The following SAMD12 variants were observed in gnomAD, a reference collection of about 807,000 sequenced individuals.
SAMD12 encodes the protein sterile alpha motif domain containing 12.
Under a neutral mutation model 15.0 loss-of-function variants are expected in SAMD12, and 9 were observed. The ratio of observed to expected loss-of-function variants is 0.60; its 90% CI spans 0.36 to 1.05. SAMD12 has a LOEUF of 1.05. SAMD12 is among the 50% of genes least tolerant of loss of function. The probability of loss-of-function intolerance (pLI) is 0.01; values close to 1 mark genes in which losing one functional copy is unlikely to be tolerated. For synonymous variants in SAMD12, 86 were observed against 90.1 expected, an observed-to-expected ratio of 0.96 and a Z score of 0.25; for missense variants, 230 against 234.2, an observed-to-expected ratio of 0.98 and a Z score of 0.12.
intron 2 of SAMD12, among the ~76,000 whole-genome samples, chr8:118,446,685 T>C (rs550570891): frequency 7.9e-5 from 12 of 152,286 alleles, no homozygotes; most frequent in Non-Finnish European, 1.6e-4. Flanking sequence ...GAAGTCAAAG[T>C]CAGATCTTCA....
At chr8:118,366,331 C>T (rs1818766214) in intron 4 of SAMD12, among the ~76,000 whole-genome samples, 1 of 152,170 alleles carries the variant, frequency 6.6e-6, no homozygotes, top group African/African-American at 2.4e-5. Context: ...TTCTGTCACA[C>T]CTCAGACATT....
chr8:118,284,941 CA>C (rs1278751968), intron 4 of SAMD12: 2,345 of 60,162 alleles, frequency 0.039, 15 homozygotes, highest in African/African-American at 0.074. Flanking sequence ...GACTCCGTCT[CA>C]AAAAAAAAAA....
At chr8:118,318,695 T>C (rs1280359866) in intron 4 of SAMD12, among the ~76,000 whole-genome samples, 2 of 152,070 alleles carry the variant, frequency 1.3e-5, no homozygotes, top group Non-Finnish European at 2.9e-5. Flanking sequence ...AAACCACTTG[T>C]ATTCCCAAAG....
chr8:118,566,664 C>T (rs1826860916), intron 2 of SAMD12, among the ~76,000 whole-genome samples: 1 of 152,086 alleles, frequency 6.6e-6, no homozygotes, highest in African/African-American at 2.4e-5. Flanking sequence ...CCCATAGAAG[C>T]TTAGAAAGAA....
intron 4 of SAMD12, among the ~76,000 whole-genome samples, chr8:118,359,193 T>TC (rs1382945075): frequency 3.3e-5 from 5 of 152,080 alleles, no homozygotes; most frequent in Admixed American, 2.6e-4. Flanking sequence ...TAAAATGAGG[T>TC]CATTAGGATA....
intron 2 of SAMD12, among the ~76,000 whole-genome samples, chr8:118,570,284 T>C (rs1234147809): frequency 6.6e-6 from 1 of 152,192 alleles, no homozygotes; most frequent in Admixed American, 6.5e-5. Flanking sequence ...AGGGGGCTTA[T>C]TGTACAGATT....
chr8:118,522,727 A>T (rs865970841), intron 2 of SAMD12, among the ~76,000 whole-genome samples: 4 of 152,178 alleles, frequency 2.6e-5, no homozygotes, highest in Non-Finnish European at 4.4e-5. Flanking sequence ...CAAACCCAAC[A>T]TGGCTCAATG....
chr8:118,173,831 T>C, the SAMD12 span, among the ~76,000 whole-genome samples: 1 of 152,090 alleles, frequency 6.6e-6, no homozygotes, highest in South Asian at 2.1e-4. Context: ...GGTTTCACCA[T>C]GTTGGCCAGG....
At chr8:118,621,474 A>C in intron 1 of SAMD12, 4 of 389,644 alleles carry the variant, frequency 1.0e-5, no homozygotes, top group African/African-American at 2.0e-5. Context: ...GGGGCAGGGA[A>C]AAAGGGCATC....
intron 3 of SAMD12, among the ~76,000 whole-genome samples, chr8:118,395,996 G>GT (rs751110841): frequency 2.0e-5 from 3 of 151,816 alleles, no homozygotes; most frequent in Admixed American, 6.6e-5. Context: ...AAAAAAGTGA[G>GT]TTTTTTTGTA....
intron 4 of SAMD12, among the ~76,000 whole-genome samples, chr8:118,224,671 A>C (rs1812150878): frequency 6.6e-6 from 1 of 152,244 alleles, no homozygotes; most frequent in Non-Finnish European, 1.5e-5. Context: ...ACAAAGCTTT[A>C]AATTTTATAT....
chr8:118,178,039 C>A, the SAMD12 span, among the ~76,000 whole-genome samples: 1 of 152,198 alleles, frequency 6.6e-6, no homozygotes, highest in Non-Finnish European at 1.5e-5. Flanking sequence ...GGTGGCCCAA[C>A]CTGTCAAACA....
intron 4 of SAMD12, among the ~76,000 whole-genome samples, chr8:118,211,839 G>C (rs929069384): frequency 4.6e-5 from 7 of 152,164 alleles, no homozygotes; most frequent in African/African-American, 1.4e-4. Context: ...GTTTGCTGGA[G>C]ACAGGAGGTG....
At chr8:118,172,713 A>C in the SAMD12 span, among the ~76,000 whole-genome samples, 1 of 152,198 alleles carries the variant, frequency 6.6e-6, no homozygotes, top group Non-Finnish European at 1.5e-5. Context: ...AAATATATCC[A>C]TCACCTCCAA....
chr8:118,340,329 CTT>C (rs1344499387), intron 4 of SAMD12, among the ~76,000 whole-genome samples: 7 of 114,926 alleles, frequency 6.1e-5, no homozygotes. Context: ...CTTATGCTCT[CTT>C]TACCTTGCCA....
At chr8:118,462,474 G>A (rs1023181623) in intron 2 of SAMD12, among the ~76,000 whole-genome samples, 9 of 152,270 alleles carry the variant, frequency 5.9e-5, no homozygotes, top group East Asian at 1.9e-4. Flanking sequence ...CACACAAGCC[G>A]GATACTCTGA....
downstream of SAMD12, among the ~76,000 whole-genome samples, chr8:118,376,322 G>A (rs997370180): frequency 2.6e-5 from 4 of 152,090 alleles, no homozygotes; most frequent in Non-Finnish European, 5.9e-5. Flanking sequence ...TAACCCCCAA[G>A]GTGATGGTAT....
intron 2 of SAMD12, among the ~76,000 whole-genome samples, chr8:118,445,001 G>A (rs76723113): frequency 0.03 from 4,522 of 152,190 alleles, 222 homozygotes; most frequent in African/African-American, 0.1. Context: ...TTCAGAAAGC[G>A]GTTTAGTATA....
intron 2 of SAMD12, among the ~76,000 whole-genome samples, chr8:118,502,760 C>T (rs990000060): frequency 1.3e-5 from 2 of 152,182 alleles, no homozygotes; most frequent in African/African-American, 2.4e-5. Flanking sequence ...GCTTTTGCAG[C>T]ACTGAATTAT....
Sources: allele counts gnomAD v4.1 joint callset (sites outside exome capture counted in the v4.1 genomes callset), GRCh38; gene constraint gnomAD v4.1.1; transcripts MANE v1.5; gene names NCBI Gene and HGNC (gene_info 2026-07-23, HGNC 2026-07-21).